Variants in CACNB4 observed in about 807,000 individuals in gnomAD.
CACNB4 encodes the protein calcium voltage-gated channel auxiliary subunit beta 4, also known as voltage-dependent L-type calcium channel subunit beta-4.
In CACNB4, 32 loss-of-function variants were observed where a neutral mutation model predicts 71.2. That is an observed-to-expected ratio of 0.45 (90% CI 0.34 to 0.60). The LOEUF (loss-of-function observed/expected upper bound fraction) is 0.60, where lower values mean the gene tolerates loss of function less well. Among genes scored for constraint, CACNB4 ranks in the 20% least tolerant of loss-of-function variants. The pLI, the probability that CACNB4 is intolerant of heterozygous loss-of-function variation, is 0.01. For synonymous variants in CACNB4, 231 were observed against 236.9 expected (o/e 0.97, Z 0.23); for missense variants, 464 against 647.9 (o/e 0.72, Z 3.08).
In CACNB4 at chr2:152,098,746, GA is replaced by G; in HGVS notation, c.63+202del. The G allele has an allele frequency of 7.0e-7, 1 of 1,431,538 alleles. No individual in the cohort carries two copies. The highest frequency in any genetic ancestry group is 9.5e-7 in the Non-Finnish European group (1 of 1,052,344). 88.7% of individuals were successfully genotyped at this position (1,431,538 alleles called of 1,614,324 possible). On this transcript the variant is annotated intron_variant, in intron 1 of 13. Coordinates refer to ENST00000539935, the MANE Select transcript of CACNB4 (RefSeq NM_000726.5). The surrounding 1 kb of genome is among the most constrained non-coding windows in gnomAD (Gnocchi z 5.3). Reference sequence around the variant, plus strand: ...GGAGCGCAGAGACCCGAAGGAGGGTGAGGAGGAGGAGGAAGAGAAGGAGGAG... The same window carrying G: ...GGAGCGCAGAGACCCGAAGGAGGGTGGGAGGAGGAGGAAGAGAAGGAGGAG...
chr2:152,056,131 G>A (rs994766871), intron 2 of CACNB4, among the ~76,000 whole-genome samples: 1 of 152,170 alleles, frequency 6.6e-6, no homozygotes, highest in African/African-American at 2.4e-5. Flanking sequence ...AGGAGGCCAA[G>A]GCAGATGGAT....
chr2:151,872,751 A>G (rs2151417737), intron 5 of CACNB4: 2 of 298,464 alleles, frequency 6.7e-6, no homozygotes, highest in South Asian at 4.6e-5. Flanking sequence ...AGACAAAACC[A>G]TCACTGACGG....
intron 4 of CACNB4, among the ~76,000 whole-genome samples, chr2:151,878,217 T>C (rs1447456624): frequency 2.0e-5 from 3 of 152,118 alleles, no homozygotes; most frequent in African/African-American, 7.2e-5. Flanking sequence ...TATATATATA[T>C]ATGATTCTGA....
At position 151,842,030 on chromosome 2, in the gene CACNB4, C is replaced by T. The variant is rs1253965634; in HGVS notation, c.1175G>A (p.Gly392Glu). 2 of 1,613,698 alleles carry T rather than the reference C, an allele frequency of 1.2e-6. No homozygotes were observed. The highest frequency in any genetic ancestry group is 4.5e-5 in the East Asian group (2 of 44,888). ...ACGCCAGTACGCCTCCAGGTACTCC[C>T]CTAGATGTTCACATGCATCCTCAAG... The part of the protein sequence containing the change: ...NQLEDACEHL[G>E]EYLEAYWRAT... Residue 392 changes from glycine to glutamate, a missense_variant, in exon 13 of 14, where the codon GGG becomes GAG. Gly to Glu is a moderately conservative substitution (Grantham distance 98, BLOSUM62 -2). Coordinates refer to ENST00000539935, the MANE Select transcript of CACNB4 (RefSeq NM_000726.5).
At chr2:152,099,083 G>T (rs1337744127), upstream of CACNB4, 3 of 1,018,290 alleles carry the variant, frequency 2.9e-6, no homozygotes, top group Non-Finnish European at 4.2e-6. Flanking sequence ...CTGGGCTGCG[G>T]ACGGAGGGGG....
chr2:151,983,675 T>TCTCTCACA (rs35313966), intron 2 of CACNB4, among the ~76,000 whole-genome samples: 7 of 141,540 alleles, frequency 4.9e-5, no homozygotes, highest in Non-Finnish European at 7.6e-5. Context: ...TAAACTTTGG[T>TCTCTCACA]CACACACACA....
At chr2:151,846,442 CTG>C (rs754140492) in intron 12 of CACNB4, among the ~76,000 whole-genome samples, 1 of 152,000 alleles carries the variant, frequency 6.6e-6, no homozygotes, top group African/African-American at 2.4e-5. Context: ...TGCATATTGT[CTG>C]TTTTTTTAAA....
chr2:151,863,714 C>T lies in CACNB4; in HGVS notation c.759-2894G>A, dbSNP rs72868016. ...ACTTTTACAAAGCTATTTTCAAACACGACCAAAGTTTGAAAAAATTCAGAA... is the reference window on the plus strand; with the variant it reads ...ACTTTTACAAAGCTATTTTCAAACATGACCAAAGTTTGAAAAAATTCAGAA... On this transcript the variant is annotated intron_variant, in intron 9 of 13. Coordinates refer to ENST00000539935, the MANE Select transcript of CACNB4 (RefSeq NM_000726.5). Among the ~76,000 whole-genome samples the T allele has an allele frequency of 6.9e-3, 1,054 of 151,982 alleles. 5 individuals carry two copies. Among genetic ancestry groups the T allele is most frequent in the Middle Eastern group, 0.02 (6 of 294 alleles).
intron 2 of CACNB4, among the ~76,000 whole-genome samples, chr2:152,090,382 A>C (rs542940133): frequency 6.6e-6 from 1 of 152,336 alleles, no homozygotes; most frequent in South Asian, 2.1e-4. Flanking sequence ...AGATGGGCGC[A>C]GTGGCTCATG....
intron 2 of CACNB4, among the ~76,000 whole-genome samples, chr2:152,038,184 G>A (rs185441872): frequency 7.2e-5 from 11 of 152,332 alleles, no homozygotes; most frequent in South Asian, 2.1e-4. Flanking sequence ...AAGCATCAAG[G>A]ATGCTGGCCT....
At chr2:151,909,385 G>A (rs2099855614) in intron 2 of CACNB4, among the ~76,000 whole-genome samples, 3 of 149,834 alleles carry the variant, frequency 2.0e-5, no homozygotes, top group African/African-American at 4.9e-5. Flanking sequence ...GCAGTGAGCC[G>A]AGATCATGCC....
At chr2:151,937,942 C>T (rs2099863333) in intron 2 of CACNB4, among the ~76,000 whole-genome samples, 1 of 152,184 alleles carries the variant, frequency 6.6e-6, no homozygotes, top group African/African-American at 2.4e-5. Context: ...GAGGAACCCA[C>T]CCATTCCATT....
chr2:151,986,068 C>T (rs991682805), intron 2 of CACNB4, among the ~76,000 whole-genome samples: 8 of 152,294 alleles, frequency 5.3e-5, no homozygotes, highest in African/African-American at 1.9e-4. Flanking sequence ...CTACTACATG[C>T]ACTTCCTTAG....
intron 9 of CACNB4, chr2:151,861,031 C>T: frequency 1.9e-6 from 1 of 525,994 alleles, no homozygotes; most frequent in South Asian, 2.8e-5. Flanking sequence ...GTTTCACACA[C>T]AAAAAAACCT....
Position 151,880,818 on chromosome 2 carries a change from G to C in CACNB4, c.372C>G (p.Asp124Glu). ...PSTAISFDAK[D>E]FLHIKEKYNN... ...CATTTACCTCTTTAATATGTAGAAA[G>C]TCTTTAGCATCAAAGGAGATAGCTG... Residue 124 changes from aspartate to glutamate, a missense_variant, in exon 4 of 14, where the codon GAC becomes GAG. Physicochemically the swap from Asp to Glu is conservative, Grantham distance 45 (BLOSUM62 2). Coordinates refer to ENST00000539935, the MANE Select transcript of CACNB4 (RefSeq NM_000726.5). The C allele has an allele frequency of 6.2e-7, 1 of 1,612,864 alleles. No individual in the cohort carries two copies. Among genetic ancestry groups the C allele is most frequent in the Non-Finnish European group, 8.5e-7 (1 of 1,179,350 alleles).
chr2:151,997,456 C>T (rs1018660814), intron 2 of CACNB4, among the ~76,000 whole-genome samples: 3 of 152,062 alleles, frequency 2.0e-5, no homozygotes, highest in African/African-American at 7.2e-5. Flanking sequence ...ATGGCGTGAA[C>T]CCAGGAGGCA....
At chr2:151,850,103 ACTTAT>A in intron 12 of CACNB4, 1 of 149,688 alleles carries the variant, frequency 6.7e-6, no homozygotes, top group East Asian at 2.0e-4. Flanking sequence ...TGAAATACAT[ACTTAT>A]CTTTTCTTTT....
At chr2:152,015,983 C>T (rs1005924544) in intron 2 of CACNB4, among the ~76,000 whole-genome samples, 6 of 152,194 alleles carry the variant, frequency 3.9e-5, no homozygotes, top group Admixed American at 6.5e-5. Flanking sequence ...TAGGTATTTA[C>T]GCAAAAGCTT....
chr2:151,934,331 T>C (rs2099862384), intron 2 of CACNB4, among the ~76,000 whole-genome samples: 1 of 152,200 alleles, frequency 6.6e-6, no homozygotes, highest in Admixed American at 6.5e-5. Flanking sequence ...AGGCTATGCC[T>C]ACCGACAGAT....
Sources: gnomAD v4.1 joint callset for allele counts (sites outside exome capture counted in the v4.1 genomes callset) on GRCh38, gnomAD v4.1.1 for gene constraint, Gnocchi (gnomAD v3.1) non-coding constraint, MANE v1.5 for transcripts, NCBI Gene and HGNC (gene_info 2026-07-23, HGNC 2026-07-21) for gene names.